CHSY3: variants seen among roughly 807,000 people sequenced by gnomAD.
CHSY3 encodes the protein chondroitin sulfate synthase 3.
A neutral mutation model predicts 67.2 loss-of-function variants in CHSY3; 35 were observed. The ratio of observed to expected loss-of-function variants is 0.52; its 90% CI spans 0.40 to 0.69. The LOEUF is 0.69. Ranked by LOEUF, CHSY3 falls within the 30% of genes least tolerant of loss-of-function variation. The pLI is 0.00. For missense variants in CHSY3, 1,069 were observed against 1,138.5 expected (o/e 0.94, Z 0.88); for synonymous variants, 474 against 434.7 (o/e 1.09, Z -1.12).
intron 2 of CHSY3, among the ~76,000 whole-genome samples, chr5:129,933,830 A>G (rs967879027): frequency 1.3e-5 from 2 of 152,080 alleles, no homozygotes; most frequent in African/African-American, 4.8e-5. Flanking sequence ...TTCTAATTGG[A>G]TGAATTTTTT....
intron 2 of CHSY3, among the ~76,000 whole-genome samples, chr5:130,032,600 C>G (rs1580668056): frequency 6.6e-6 from 1 of 152,078 alleles, no homozygotes; most frequent in Middle Eastern, 3.4e-3. Context: ...TCTCACCTTC[C>G]CAGGAGTTCT....
At chr5:130,181,882 A>G (rs1049985075) in intron 2 of CHSY3, among the ~76,000 whole-genome samples, 2 of 152,172 alleles carry the variant, frequency 1.3e-5, no homozygotes, top group African/African-American at 4.8e-5. Flanking sequence ...GTTTTTCATT[A>G]CATGAATATA....
intron 2 of CHSY3, among the ~76,000 whole-genome samples, chr5:129,946,848 G>A (rs974325732): frequency 2.0e-5 from 3 of 152,050 alleles, no homozygotes; most frequent in African/African-American, 4.8e-5. Flanking sequence ...CACCCAAGCC[G>A]TTTATATATC....
intron 2 of CHSY3, among the ~76,000 whole-genome samples, chr5:130,023,545 T>C (rs187410615): frequency 2.6e-5 from 4 of 152,190 alleles, no homozygotes; most frequent in Admixed American, 2.6e-4. Flanking sequence ...TTAAAACTAA[T>C]GTGTTTAAAG....
intron 2 of CHSY3, among the ~76,000 whole-genome samples, chr5:130,104,505 A>ATT (rs1172753448): frequency 1.3e-5 from 2 of 151,806 alleles, no homozygotes; most frequent in African/African-American, 4.8e-5. Context: ...GAGATTACCT[A>ATT]TTTTTAGGAG....
At chr5:130,155,377 G>A (rs1410523018) in intron 2 of CHSY3, among the ~76,000 whole-genome samples, 2 of 152,210 alleles carry the variant, frequency 1.3e-5, no homozygotes, top group East Asian at 1.9e-4. Context: ...TAGTGGCTTT[G>A]TTGGAGAAAG....
chr5:130,146,647 G>A (rs72795773), intron 2 of CHSY3, among the ~76,000 whole-genome samples: 1,915 of 151,768 alleles, frequency 0.013, 33 homozygotes, highest in African/African-American at 0.035. Context: ...TGATAAATGC[G>A]TTTATCATTA....
chr5:129,982,270 C>G (rs964941469), intron 2 of CHSY3, among the ~76,000 whole-genome samples: 7 of 151,602 alleles, frequency 4.6e-5, no homozygotes, highest in African/African-American at 1.7e-4. Flanking sequence ...CTATATTATT[C>G]CAATGTAAAA....
Position 130,128,931 on chromosome 5 carries a change from GT to G in CHSY3, c.1087-55286del, listed in dbSNP as rs200191536. Among the ~76,000 whole-genome samples the G allele has an allele frequency of 6.7e-3, 973 of 144,510 alleles. 18 individuals are homozygous for G. Among genetic ancestry groups the G allele is most frequent in the African/African-American group, 0.022 (857 of 39,552 alleles). The allele number at this position is 144,510 out of a possible 152,430, so 94.8% of individuals were successfully genotyped here. ...ATGTGTATGTTGACAAAAATGTGAG[GT>G]TTTTTTTTTTTCCTTTTTTTCAACA... On this transcript the variant is annotated intron_variant, in intron 2 of 2. Coordinates refer to ENST00000305031, the MANE Select transcript of CHSY3 (RefSeq NM_175856.5).
intron 2 of CHSY3, among the ~76,000 whole-genome samples, chr5:129,937,755 C>T (rs1761550251): frequency 6.6e-6 from 1 of 152,164 alleles, no homozygotes; most frequent in Non-Finnish European, 1.5e-5. Flanking sequence ...CCATGCAAGT[C>T]TACAACCCAG....
At chr5:130,038,441 G>T (rs1347786425) in intron 2 of CHSY3, among the ~76,000 whole-genome samples, 1 of 152,180 alleles carries the variant, frequency 6.6e-6, no homozygotes, top group Admixed American at 6.6e-5. Flanking sequence ...TTAAATAGAG[G>T]CTTGATAAAC....
rs202095756 is a variant in CHSY3 at position 130,125,416 on chromosome 5, CAGAT to C, written c.1087-58777_1087-58774del. 2.2e-3 allele frequency among the ~76,000 whole-genome samples: 312 copies of C among 140,990 alleles called. 1 individual carries two copies. Among genetic ancestry groups the C allele is most frequent in the Non-Finnish European group, 3.9e-3 (255 of 65,954 alleles). The allele number at this position is 140,990 out of a possible 152,430, so 92.5% of individuals were successfully genotyped here. ...TGGGGAACAGAGTGAGATCCTGTCT[CAGAT>C]AGATAGATAGATAGATAGATAGATA... is the stretch of plus-strand genomic sequence containing the variant. On this transcript the variant is annotated intron_variant, in intron 2 of 2. Transcript: ENST00000305031.
intron 2 of CHSY3, among the ~76,000 whole-genome samples, chr5:129,964,037 A>C (rs1762406734): frequency 6.6e-6 from 1 of 151,918 alleles, no homozygotes; most frequent in Non-Finnish European, 1.5e-5. Flanking sequence ...TGCCAGTCAG[A>C]AACAGATACA....
At chr5:129,988,453 T>C (rs1027931488) in intron 2 of CHSY3, among the ~76,000 whole-genome samples, 1 of 152,198 alleles carries the variant, frequency 6.6e-6, no homozygotes, top group Non-Finnish European at 1.5e-5. Context: ...CCACTCACTG[T>C]CATGGTGTCT....
intron 2 of CHSY3, among the ~76,000 whole-genome samples, chr5:130,169,402 G>A (rs761073478): frequency 6.6e-6 from 1 of 151,996 alleles, no homozygotes; most frequent in Non-Finnish European, 1.5e-5. Context: ...TTGTTGGAAG[G>A]TGGTCACATT....
chr5:129,963,642 C>CTGTA (rs1339891591), intron 2 of CHSY3, among the ~76,000 whole-genome samples: 1 of 151,974 alleles, frequency 6.6e-6, no homozygotes, highest in African/African-American at 2.4e-5. Context: ...AAGCCCAGAG[C>CTGTA]TGCACTTTAC....
At chr5:130,035,887 T>C (rs1207271210) in intron 2 of CHSY3, among the ~76,000 whole-genome samples, 1 of 81,840 alleles carries the variant, frequency 1.2e-5, no homozygotes, top group Non-Finnish European at 2.4e-5. Flanking sequence ...CATTTGGTTG[T>C]TTTTTTTTTT....
rs891522605 is a variant in CHSY3 at position 129,982,484 on chromosome 5, G to T, written c.1086+74124G>T. 2.6e-5 allele frequency among the ~76,000 whole-genome samples: 4 copies of T among 151,904 alleles called. No individual in the cohort carries two copies. The East Asian group carries it at 7.7e-4, about 29-fold the overall frequency. On this transcript the variant is annotated intron_variant, in intron 2 of 2. Coordinates refer to ENST00000305031, the MANE Select transcript of CHSY3 (RefSeq NM_175856.5). ...TCATGAAAGTGGAATAATATTGTAA[G>T]GGCAGTTACATAATTTGATCAAAAT...
intron 2 of CHSY3, among the ~76,000 whole-genome samples, chr5:130,028,063 G>A (rs1246556745): frequency 2.0e-5 from 3 of 152,072 alleles, no homozygotes; most frequent in Non-Finnish European, 2.9e-5. Flanking sequence ...TTCCACAATG[G>A]TTGAACTAGT....
Sources: allele counts gnomAD v4.1 joint callset (sites outside exome capture counted in the v4.1 genomes callset), GRCh38; gene constraint gnomAD v4.1.1; transcripts MANE v1.5; gene names NCBI Gene and HGNC (gene_info 2026-07-23, HGNC 2026-07-21).